The following SLC24A2 variants were observed in gnomAD, a reference collection of about 807,000 sequenced individuals.
The protein encoded by SLC24A2 is sodium/potassium/calcium exchanger 2.
Under a neutral mutation model 62.0 loss-of-function variants are expected in SLC24A2, and 36 were observed. The observed-to-expected ratio is 0.58, with a 90% CI of 0.44 to 0.77. The LOEUF (loss-of-function observed/expected upper bound fraction) is 0.77. Ranked by LOEUF, SLC24A2 falls within the 30% of genes least tolerant of loss-of-function variation. The pLI, the probability that SLC24A2 is intolerant of heterozygous loss-of-function variation, is 0.00. For missense variants in SLC24A2, 846 were observed against 817.9 expected (o/e 1.03, Z -0.42); for synonymous variants, 358 against 294.0 (o/e 1.22, Z -2.23).
chr9:20,128,292 C>T, the SLC24A2 span, among the ~76,000 whole-genome samples: 2 of 152,082 alleles, frequency 1.3e-5, no homozygotes, highest in Admixed American at 1.3e-4. Context: ...GAGATATCAT[C>T]TTCAAATGTT....
At chr9:19,890,813 A>G in the SLC24A2 span, among the ~76,000 whole-genome samples, 1 of 152,092 alleles carries the variant, frequency 6.6e-6, no homozygotes, top group Non-Finnish European at 1.5e-5. Flanking sequence ...ATAGCTTTTA[A>G]TAGTATCTGT....
chr9:20,283,596 C>A, the SLC24A2 span, among the ~76,000 whole-genome samples: 1 of 152,042 alleles, frequency 6.6e-6, no homozygotes, highest in African/African-American at 2.4e-5. Flanking sequence ...AATAATTCAA[C>A]TGAGGGGCAT....
At chr9:19,711,686 C>A (rs1820718938) in intron 2 of SLC24A2, among the ~76,000 whole-genome samples, 1 of 152,214 alleles carries the variant, frequency 6.6e-6, no homozygotes, top group African/African-American at 2.4e-5. Context: ...AATATGAAAT[C>A]CATGTCCGCA....
intron 2 of SLC24A2, among the ~76,000 whole-genome samples, chr9:19,652,250 A>T (rs1351839141): frequency 6.6e-6 from 1 of 152,120 alleles, no homozygotes; most frequent in Non-Finnish European, 1.5e-5. Flanking sequence ...TTAGAATTTG[A>T]TATTACCATG....
At chr9:19,989,616 T>C in the SLC24A2 span, among the ~76,000 whole-genome samples, 1 of 152,182 alleles carries the variant, frequency 6.6e-6, no homozygotes, top group Non-Finnish European at 1.5e-5. Flanking sequence ...CTTACCATGG[T>C]ATCTTATAGT....
chr9:19,606,424 G>A (rs533338089), intron 4 of SLC24A2, among the ~76,000 whole-genome samples: 1 of 152,332 alleles, frequency 6.6e-6, no homozygotes, highest in South Asian at 2.1e-4. Context: ...TCAAAGAGAA[G>A]TAGCCACATA....
intron 2 of SLC24A2, among the ~76,000 whole-genome samples, chr9:19,644,520 G>GT (rs1402809484): frequency 6.6e-6 from 1 of 152,172 alleles, no homozygotes; most frequent in Non-Finnish European, 1.5e-5. Context: ...TGCCCAGTGC[G>GT]TATGATTGTA....
chr9:19,850,967 G>GTATATATATATATATACA, the SLC24A2 span, among the ~76,000 whole-genome samples: 2 of 18,192 alleles, frequency 1.1e-4, no homozygotes, highest in Non-Finnish European at 2.4e-4. Flanking sequence ...ATATATATAT[G>GTATATATATATATATACA]TATATATATA....
chr9:19,910,694 T>C, the SLC24A2 span, among the ~76,000 whole-genome samples: 5 of 152,216 alleles, frequency 3.3e-5, no homozygotes, highest in African/African-American at 1.2e-4. Context: ...GTCACCTCGC[T>C]ATATCTACCT....
At chr9:20,007,094 T>C in the SLC24A2 span, among the ~76,000 whole-genome samples, 2 of 151,760 alleles carry the variant, frequency 1.3e-5, no homozygotes, top group African/African-American at 4.9e-5. Context: ...TGCTAAGGAC[T>C]GGTAAATCAG....
At chr9:19,570,891 T>C (rs575976166) in intron 7 of SLC24A2, among the ~76,000 whole-genome samples, 1 of 152,206 alleles carries the variant, frequency 6.6e-6, no homozygotes, top group South Asian at 2.1e-4. Flanking sequence ...GGTCATCTGA[T>C]TGTAAGTGAA....
the SLC24A2 span, among the ~76,000 whole-genome samples, chr9:19,950,039 C>T: frequency 1.3e-5 from 2 of 152,294 alleles, no homozygotes; most frequent in Admixed American, 1.3e-4. Flanking sequence ...TTCATATGCA[C>T]ATTGGAAGTT....
chr9:20,224,719 A>G, the SLC24A2 span, among the ~76,000 whole-genome samples: 1 of 151,846 alleles, frequency 6.6e-6, no homozygotes, highest in Non-Finnish European at 1.5e-5. Context: ...GGAGGGAGGG[A>G]AGAGGAAAAA....
chr9:19,617,988 A>G (rs1817813081), intron 4 of SLC24A2, among the ~76,000 whole-genome samples: 1 of 152,230 alleles, frequency 6.6e-6, no homozygotes, highest in African/African-American at 2.4e-5. Context: ...GGAGAGCAGT[A>G]GATACATTTG....
the SLC24A2 span, among the ~76,000 whole-genome samples, chr9:20,298,417 C>T: frequency 1.4e-3 from 216 of 152,124 alleles, 2 homozygotes; most frequent in African/African-American, 4.8e-3. Flanking sequence ...TTAGTAGAGA[C>T]GGGGTTTCAT....
chr9:19,830,201 G>C, the SLC24A2 span, among the ~76,000 whole-genome samples: 1 of 152,146 alleles, frequency 6.6e-6, no homozygotes, highest in Non-Finnish European at 1.5e-5. Flanking sequence ...GAGATACTGG[G>C]TTTTATGGCT....
At chr9:19,548,496 T>C (rs941305074) in intron 8 of SLC24A2, among the ~76,000 whole-genome samples, 3 of 152,200 alleles carry the variant, frequency 2.0e-5, no homozygotes, top group Non-Finnish European at 2.9e-5. Flanking sequence ...TGTGGACCAA[T>C]AACTCAAGGC....
the SLC24A2 span, among the ~76,000 whole-genome samples, chr9:19,962,120 T>C: frequency 2.6e-5 from 4 of 152,234 alleles, no homozygotes; most frequent in African/African-American, 9.6e-5. Flanking sequence ...ATTCTCTCAT[T>C]CATTCCATGA....
chr9:20,143,190 G>C, the SLC24A2 span, among the ~76,000 whole-genome samples: 1 of 152,166 alleles, frequency 6.6e-6, no homozygotes, highest in African/African-American at 2.4e-5. Context: ...GGTGGGAAAA[G>C]AGAGTGCCCA....
Sources: gnomAD v4.1 joint callset for allele counts (sites outside exome capture counted in the v4.1 genomes callset) on GRCh38, gnomAD v4.1.1 for gene constraint, MANE v1.5 for transcripts, NCBI Gene and HGNC (gene_info 2026-07-23, HGNC 2026-07-21) for gene names.